NOX5: variants seen among roughly 807,000 people sequenced by gnomAD.
The protein encoded by NOX5 is NADPH oxidase 5.
A neutral mutation model predicts 85.7 loss-of-function variants in NOX5; 76 were observed. The observed-to-expected ratio is 0.89, with a 90% CI of 0.74 to 1.07. The LOEUF is 1.07. Ranked by LOEUF, NOX5 falls within the 50% of genes least tolerant of loss-of-function variation. The pLI, the probability that NOX5 is intolerant of heterozygous loss-of-function variation, is 0.00. For synonymous variants in NOX5, 405 were observed against 401.4 expected (o/e 1.01, Z -0.11); for missense variants, 973 against 999.5 (o/e 0.97, Z 0.36).
At position 69,031,473 on chromosome 15, in the gene NOX5, A is replaced by G. The variant is rs565915241; in HGVS notation, c.326-45A>G. 450 of 1,566,472 alleles carry G rather than the reference A, an allele frequency of 2.9e-4. 5 individuals are homozygous for G. The South Asian group carries it at 5.0e-3, about 17-fold the overall frequency. ...ACCCCCAAGGAAAGCTGACTGGCAG[A>G]AAGCTGGAGGTGGGTAAACAGAAGA... On this transcript the variant is annotated intron_variant, in intron 3 of 15. Transcript: ENST00000388866.
At position 69,031,825 on chromosome 15, in the gene NOX5, C is replaced by A. The variant is rs1229523017; in HGVS notation, c.620+13C>A. On this transcript the variant is annotated intron_variant, in intron 4 of 15. Coordinates refer to ENST00000388866, the MANE Select transcript of NOX5 (RefSeq NM_024505.4). The stretch of plus-strand genomic sequence containing the variant: ...ACCTGACCATCAGGTACGGCCGGGT[C>A]TCGGGCATTGGCACTGTCCACGGCG... The A allele has an allele frequency of 1.1e-5, 17 of 1,588,364 alleles. No individual in the cohort carries two copies. Among genetic ancestry groups the A allele is most frequent in the Non-Finnish European group, 1.5e-5 (17 of 1,162,548 alleles).
At chr15:69,040,327 A>G (rs947084102) in intron 9 of NOX5, among the ~76,000 whole-genome samples, 1 of 152,268 alleles carries the variant, frequency 6.6e-6, no homozygotes, top group Non-Finnish European at 1.5e-5. Context: ...AAATATGTAC[A>G]GAAGAAAATG....
intron 9 of NOX5, 74 bp from the exon 10 acceptor site, chr15:69,042,589 C>T: frequency 6.6e-7 from 1 of 1,517,400 alleles, no homozygotes; most frequent in Admixed American, 1.9e-5. Flanking sequence ...GCAATCCCTC[C>T]AGTGGGGTGA....
chr15:69,046,699 T>A, intron 10 of NOX5, 123 bp from the exon 11 acceptor site: 1 of 847,952 alleles, frequency 1.2e-6, no homozygotes, highest in South Asian at 1.9e-5. Flanking sequence ...CCTGAATGGT[T>A]TGGGCAGAAA....
intron 1 of NOX5, among the ~76,000 whole-genome samples, chr15:69,018,947 C>T (rs765401303): frequency 1.3e-5 from 2 of 152,164 alleles, no homozygotes; most frequent in Non-Finnish European, 2.9e-5. Flanking sequence ...ACTTTAGCTT[C>T]GACCTTCTAG....
At chr15:69,050,937 G>A (rs376389685) in intron 14 of NOX5, among the ~76,000 whole-genome samples, 4 of 152,186 alleles carry the variant, frequency 2.6e-5, no homozygotes, top group African/African-American at 7.2e-5. Context: ...GTTTAAGCTC[G>A]AGGTATCGTT....
At chr15:69,018,267 C>T (rs1000109545) in intron 1 of NOX5, among the ~76,000 whole-genome samples, 11 of 152,026 alleles carry the variant, frequency 7.2e-5, no homozygotes, top group East Asian at 1.9e-4. Flanking sequence ...GCCTGGGGAC[C>T]GGGTACTTGC....
intron 2 of NOX5, among the ~76,000 whole-genome samples, chr15:69,027,264 G>T (rs116817828): frequency 2.0e-5 from 3 of 152,022 alleles, no homozygotes; most frequent in African/African-American, 7.2e-5. Flanking sequence ...CTAACGCCAC[G>T]CCTCCTTTCA....
chr15:69,031,737 A>G lies in NOX5; in HGVS notation c.545A>G (p.Asn182Ser), dbSNP rs578156234. The G allele has an allele frequency of 3.1e-6, 5 of 1,612,828 alleles. No individual in the cohort carries two copies. In the East Asian group the frequency reaches 1.1e-4, roughly 36 times the overall value. Residue 182 changes from asparagine (N) to serine (S), a missense_variant, in exon 4 of 16, where the codon AAC (asparagine) becomes AGC (serine). Physicochemically the swap from Asn to Ser is conservative, Grantham distance 46. Transcript: ENST00000388866. ...ALFESADADGNGAITFEELRD... is the reference protein window; with the variant it reads ...ALFESADADGSGAITFEELRD... ...TTCGAATCGGCCGACGCGGACGGCA[A>G]CGGGGCCATCACCTTCGAGGAGCTC... is the stretch of plus-strand genomic sequence containing the variant.
intron 10 of NOX5, chr15:69,043,518 G>A (rs960804141): frequency 2.6e-5 from 4 of 152,264 alleles, no homozygotes; most frequent in Non-Finnish European, 5.9e-5. Context: ...ACCCTACCTT[G>A]CCATTGGGGA....
chr15:69,037,835 A>C (rs2050541815), intron 8 of NOX5: 1 of 152,568 alleles, frequency 6.6e-6, no homozygotes, highest in Non-Finnish European at 1.5e-5. Flanking sequence ...AGGAAGCCAG[A>C]GAGGTGAGGA....
intron 1 of NOX5, among the ~76,000 whole-genome samples, chr15:69,020,994 T>A (rs1204193146): frequency 1.3e-5 from 2 of 152,132 alleles, no homozygotes; most frequent in Non-Finnish European, 2.9e-5. Context: ...TAATGAACCA[T>A]CCTTACATTA....
intron 6 of NOX5, 100 bp downstream of exon 6, chr15:69,035,607 C>A (rs1484359082): frequency 1.3e-6 from 2 of 1,553,982 alleles, no homozygotes; most frequent in African/African-American, 1.4e-5. Context: ...GCCCAAAGGG[C>A]AGAGAAGGGG....
chr15:69,057,055 C>A lies in NOX5; in HGVS notation c.*359C>A. 5.2e-6 allele frequency: 1 copy of A among 191,562 alleles called. No homozygotes were observed. The highest frequency in any genetic ancestry group is 5.3e-5 in the Admixed American group (1 of 18,958). 11.9% of individuals were successfully genotyped at this position (191,562 alleles called of 1,614,324 possible). ...CTTCCCCCACATCCATGGTCCCAAA[C>A]CTGCCCAATCATCACAGTCATTTGG... On this transcript the variant is annotated 3_prime_UTR_variant, in exon 16 of 16. Coordinates refer to ENST00000388866, the MANE Select transcript of NOX5 (RefSeq NM_024505.4).
Position 69,061,989 on chromosome 15 carries a change from T to C in NOX5, c.*5293T>C, listed in dbSNP as rs1234915287. On this transcript the variant is annotated 3_prime_UTR_variant, in exon 16 of 16. Transcript: ENST00000388866. ...GAATGTTCAAGAACAGTGAATGATT[T>C]GTCTCTGTGTCCCCAGTGACTAGAA... is the stretch of plus-strand genomic sequence containing the variant. The C allele has an allele frequency of 2.0e-5, 3 of 152,218 alleles. No homozygotes were observed. The highest frequency in any genetic ancestry group is 7.2e-5 in the African/African-American group (3 of 41,456). The allele number at this position is 152,218 out of a possible 1,614,324, so 9.4% of individuals were successfully genotyped here.
chr15:69,040,665 C>T (rs1471412297), intron 9 of NOX5, among the ~76,000 whole-genome samples: 2 of 152,014 alleles, frequency 1.3e-5, no homozygotes, highest in African/African-American at 2.4e-5. Context: ...CTTTTTCTCC[C>T]CTAACTTTCC....
Position 69,035,755 on chromosome 15 carries a change from C to T in NOX5, c.1010-3C>T. 1.9e-6 allele frequency: 3 copies of T among 1,613,344 alleles called. No homozygotes were observed. Among genetic ancestry groups the T allele is most frequent in the South Asian group, 1.1e-5 (1 of 91,008 alleles). On this transcript the variant is annotated splice_polypyrimidine_tract_variant and splice_region_variant and intron_variant, in intron 6 of 15. Transcript: ENST00000388866. ...CACTCAACCTTTCTGAGCTTGTTTC[C>T]AGTACTCCAGGCTCAGGCGGAGGCC...
At position 69,057,563 on chromosome 15, in the gene NOX5, A is replaced by G. The variant is rs1342527665; in HGVS notation, c.*867A>G. 1 of 152,124 alleles carries G rather than the reference A, an allele frequency of 6.6e-6. No homozygotes were observed. Among genetic ancestry groups the G allele is most frequent in the East Asian group, 1.9e-4 (1 of 5,188 alleles). 9.4% of individuals were successfully genotyped at this position (152,124 alleles called of 1,614,324 possible). ...CTCTGTGTGCTGAGTCGCTTGAGAA[A>G]CAGGATGGAGACAGCCTCTTTGTGT... On this transcript the variant is annotated 3_prime_UTR_variant, in exon 16 of 16. Coordinates refer to ENST00000388866, the MANE Select transcript of NOX5 (RefSeq NM_024505.4).
chr15:69,025,247 T>C (rs987060902), intron 1 of NOX5, among the ~76,000 whole-genome samples: 1 of 151,954 alleles, frequency 6.6e-6, no homozygotes, highest in Admixed American at 6.5e-5. Flanking sequence ...AACAGCACTG[T>C]CACTTGTTCC....
Sources: allele counts gnomAD v4.1 joint callset (sites outside exome capture counted in the v4.1 genomes callset), GRCh38; gene constraint gnomAD v4.1.1; transcripts MANE v1.5; gene names NCBI Gene and HGNC (gene_info 2026-07-23, HGNC 2026-07-21).